Variants in TXK observed in about 807,000 individuals in gnomAD.
TXK encodes tyrosine-protein kinase TXK.
A neutral mutation model predicts 81.0 loss-of-function variants in TXK; 60 were observed. The ratio of observed to expected loss-of-function variants is 0.74; its 90% CI spans 0.60 to 0.92. The LOEUF (loss-of-function observed/expected upper bound fraction) is 0.92, where lower values mean the gene tolerates loss of function less well. Among genes scored for constraint, TXK ranks in the 40% least tolerant of loss-of-function variants. The probability of loss-of-function intolerance (pLI) is 0.00; values close to 1 mark genes in which losing one functional copy is unlikely to be tolerated. For missense variants in TXK, 581 were observed against 638.3 expected (o/e 0.91, Z 0.97); for synonymous variants, 203 against 210.7 (o/e 0.96, Z 0.32).
rs147978169 is a variant in TXK at position 48,115,161 on chromosome 4, G to A, written c.17-759C>T. On this transcript the variant is annotated intron_variant, in intron 1 of 14. Transcript: ENST00000264316. ...AACCATCATCTAGATTTTAAGCCCCGCATGCATTAGGTATTTGTCCTAATG... is the reference window on the plus strand; with the variant it reads ...AACCATCATCTAGATTTTAAGCCCCACATGCATTAGGTATTTGTCCTAATG... Among the ~76,000 whole-genome samples the A allele has an allele frequency of 8.6e-5, 13 of 151,832 alleles. No homozygotes were observed. The East Asian group carries it at 1.4e-3, about 16-fold the overall frequency.
chr4:48,120,176 T>C (rs949851538), intron 1 of TXK, among the ~76,000 whole-genome samples: 4 of 67,664 alleles, frequency 5.9e-5, no homozygotes, highest in African/African-American at 1.2e-4. Context: ...TATATACGTA[T>C]ATGTGTATAT....
chr4:48,103,952 C>T lies in TXK; in HGVS notation c.501+949G>A, dbSNP rs1217353186. Among the ~76,000 whole-genome samples, 11 of 151,726 alleles carry T rather than the reference C, an allele frequency of 7.2e-5. No homozygotes were observed. The East Asian group carries it at 2.0e-3, about 27-fold the overall frequency. On this transcript the variant is annotated intron_variant, in intron 6 of 14. Coordinates refer to ENST00000264316, the MANE Select transcript of TXK (RefSeq NM_003328.3). Reference sequence around the variant, plus strand: ...GCGTGGTGGCTCACACCTGTAATCTCAGCACTTTGGGAGGCCAAGCCGGGC... The same window carrying T: ...GCGTGGTGGCTCACACCTGTAATCTTAGCACTTTGGGAGGCCAAGCCGGGC...
intron 2 of TXK, among the ~76,000 whole-genome samples, chr4:48,113,909 T>A (rs1363031790): frequency 1.3e-5 from 2 of 152,198 alleles, no homozygotes; most frequent in African/African-American, 4.8e-5. Flanking sequence ...TCCTGTTAAA[T>A]GTTAGCTTTT....
intron 14 of TXK, 45 bp from the exon 15 acceptor site, chr4:48,067,750 A>T (rs752472445): frequency 6.3e-7 from 1 of 1,576,190 alleles, no homozygotes; most frequent in Non-Finnish European, 8.7e-7. Context: ...TAACCAACTT[A>T]TGCCAAGGGT....
chr4:48,069,326 CT>C (rs376924565), intron 14 of TXK, among the ~76,000 whole-genome samples: 116 of 95,860 alleles, frequency 1.2e-3, no homozygotes, highest in Middle Eastern at 5.2e-3. Context: ...CTTTTCTTTT[CT>C]TTTTTTTTTT....
At chr4:48,133,438 C>T (rs775394798) in intron 1 of TXK, among the ~76,000 whole-genome samples, 2 of 151,988 alleles carry the variant, frequency 1.3e-5, no homozygotes, top group Non-Finnish European at 2.9e-5. Context: ...ACATTTGAGC[C>T]AGTGTTCACA....
chr4:48,128,482 CTTTT>C (rs1404616874), intron 1 of TXK, among the ~76,000 whole-genome samples: 1 of 150,012 alleles, frequency 6.7e-6, no homozygotes, highest in African/African-American at 2.5e-5. Context: ...GCAACATATC[CTTTT>C]TGTTTTTTTT....
At chr4:48,112,672 A>G (rs975728346) in intron 3 of TXK, among the ~76,000 whole-genome samples, 160 bp from the exon 4 acceptor site, 2 of 152,182 alleles carry the variant, frequency 1.3e-5, no homozygotes, top group Non-Finnish European at 2.9e-5. Context: ...CTAACTATAA[A>G]ACTCCTTTAG....
At chr4:48,119,008 C>T (rs930856973) in intron 1 of TXK, among the ~76,000 whole-genome samples, 30 of 152,182 alleles carry the variant, frequency 2.0e-4, no homozygotes, top group African/African-American at 6.8e-4. Context: ...CCTAGGTTCA[C>T]AAGGACCAGG....
intron 6 of TXK, among the ~76,000 whole-genome samples, chr4:48,098,511 T>A (rs1299979961): frequency 6.6e-6 from 1 of 152,228 alleles, no homozygotes; most frequent in African/African-American, 2.4e-5. Context: ...TCCCTAGAGA[T>A]GTTGAAAAGC....
chr4:48,105,217 T>A (rs2109458373), intron 5 of TXK, among the ~76,000 whole-genome samples: 1 of 152,320 alleles, frequency 6.6e-6, no homozygotes, highest in South Asian at 2.1e-4. Context: ...TATGAATGAT[T>A]TAACTTCTTA....
At chr4:48,093,944 G>A in intron 8 of TXK, 133 bp downstream of exon 8, 2 of 1,251,284 alleles carry the variant, frequency 1.6e-6, no homozygotes, top group Non-Finnish European at 2.3e-6. Flanking sequence ...TTGCTCAAAA[G>A]ATAAGTTGTA....
At chr4:48,126,615 C>T (rs1264498280) in intron 1 of TXK, among the ~76,000 whole-genome samples, 3 of 152,182 alleles carry the variant, frequency 2.0e-5, no homozygotes, top group Non-Finnish European at 2.9e-5. Context: ...ATTCTCCTGC[C>T]TCAGCCTCCC....
At chr4:48,117,412 TC>T (rs1290246104) in intron 1 of TXK, among the ~76,000 whole-genome samples, 7 of 152,324 alleles carry the variant, frequency 4.6e-5, no homozygotes, top group Non-Finnish European at 1.5e-5. Context: ...TTAAACAAAG[TC>T]CTCTTTGCTG....
chr4:48,075,009 C>T (rs1420499308), intron 12 of TXK, among the ~76,000 whole-genome samples: 1 of 152,042 alleles, frequency 6.6e-6, no homozygotes, highest in Non-Finnish European at 1.5e-5. Context: ...TCACTACCAC[C>T]ACCCCTATTA....
chr4:48,116,820 G>C (rs1369321483), intron 1 of TXK, among the ~76,000 whole-genome samples: 1 of 152,228 alleles, frequency 6.6e-6, no homozygotes, highest in Non-Finnish European at 1.5e-5. Context: ...AAGGCAGAGA[G>C]TGGACCGGCA....
chr4:48,078,744 T>C (rs1485400981), intron 11 of TXK, among the ~76,000 whole-genome samples: 1 of 152,244 alleles, frequency 6.6e-6, no homozygotes, highest in Non-Finnish European at 1.5e-5. Context: ...CTTGAAATCC[T>C]GTTAGGACCA....
intron 10 of TXK, among the ~76,000 whole-genome samples, chr4:48,084,282 C>T (rs1333916450): frequency 1.3e-5 from 2 of 151,548 alleles, no homozygotes; most frequent in Non-Finnish European, 2.9e-5. Context: ...TTTGTAGAGA[C>T]AGGGTTTCGC....
chr4:48,086,404 C>T, intron 10 of TXK, 62 bp downstream of exon 10: 2 of 1,563,296 alleles, frequency 1.3e-6, no homozygotes, highest in Non-Finnish European at 1.8e-6. Flanking sequence ...CTCCAAAGCT[C>T]ATGTTGTTTC....
Sources: allele counts gnomAD v4.1 joint callset (sites outside exome capture counted in the v4.1 genomes callset), GRCh38; gene constraint gnomAD v4.1.1; transcripts MANE v1.5; gene names NCBI Gene and HGNC (gene_info 2026-07-23, HGNC 2026-07-21).